The following ATM variants were observed in gnomAD, a reference collection of about 807,000 sequenced individuals.
The protein encoded by ATM is ATM serine/threonine kinase, also known as serine-protein kinase ATM.
Under a neutral mutation model 387.0 loss-of-function variants are expected in ATM, and 308 were observed. That is an observed-to-expected ratio of 0.80 (90% confidence interval 0.73 to 0.87). ATM has a LOEUF of 0.87. ATM is among the 40% of genes least tolerant of loss of function. ATM has a pLI of 0.00. For synonymous variants in ATM, 1,156 were observed against 1,187.3 expected (o/e 0.97, Z 0.54); for missense variants, 3,312 against 3,560.9 (o/e 0.93, Z 1.78).
chr11:108,226,064 A>G (rs2078722047), intron 1 of ATM: 1 of 152,222 alleles, frequency 6.6e-6, no homozygotes, highest in Non-Finnish European at 1.5e-5. Context: ...ACAGACATTC[A>G]TAGTTTAATA....
rs2135327482 is a variant in ATM, at chr11:108,251,041, T to C, written c.1576T>C (p.Leu526=). The change falls in exon 10 of 63, where the codon TTA becomes CTA. Residue 526 remains leucine, a synonymous_variant. Coordinates refer to ENST00000675843, the MANE Select transcript of ATM (RefSeq NM_000051.4). ...LVEVDREFWK[L]FTGSACRPSC... The stretch of plus-strand genomic sequence containing the variant: ...TGAGGTTGACAGAGAATTCTGGAAG[T>C]TATTTACTGGGTCAGCCTGCAGACC... 1 of 1,614,160 alleles carries C rather than the reference T, an allele frequency of 6.2e-7. No homozygotes were observed. The highest frequency in any genetic ancestry group is 1.1e-5 in the South Asian group (1 of 91,090).
chr11:108,252,529 T>C (rs905782255), intron 11 of ATM, among the ~76,000 whole-genome samples: 10 of 152,320 alleles, frequency 6.6e-5, no homozygotes, highest in Admixed American at 2.0e-4. Context: ...GACCTCCGAA[T>C]GGATCCAATT....
intron 58 of ATM, among the ~76,000 whole-genome samples, chr11:108,346,242 C>T (rs1048723538): frequency 4.6e-5 from 7 of 151,912 alleles, no homozygotes; most frequent in African/African-American, 1.7e-4. Flanking sequence ...AATAATGAAA[C>T]CTGTGATAAC....
At chr11:108,239,269 AC>A (rs2079444527) in intron 5 of ATM, among the ~76,000 whole-genome samples, 1 of 152,188 alleles carries the variant, frequency 6.6e-6, no homozygotes, top group South Asian at 2.1e-4. Flanking sequence ...CTCACCAGAA[AC>A]CCACAATGCT....
rs2136338348 is a variant in ATM at position 108,326,189 on chromosome 11, G to A, written c.6939G>A (p.Lys2313=). 6.2e-7 allele frequency: 1 copy of A among 1,614,088 alleles called. No homozygotes were observed. ...AGAGTCTTGCCCTGAGTATTCTCAA[G>A]CAAATGATCAAGAAGTTGGATGCCA... is the stretch of plus-strand genomic sequence containing the variant. ...KEQSLALSIL[K]QMIKKLDASC... is the part of the protein sequence containing the mutation. The change falls in exon 47 of 63, where the codon AAG becomes AAA. Residue 2313 remains lysine, a synonymous_variant. Transcript: ENST00000675843.
At chr11:108,255,144 A>G (rs1487491589) in intron 13 of ATM, among the ~76,000 whole-genome samples, 4 of 152,302 alleles carry the variant, frequency 2.6e-5, no homozygotes, top group South Asian at 4.1e-4. Flanking sequence ...GTGCCTTATT[A>G]CATGGTAAAT....
intron 49 of ATM, among the ~76,000 whole-genome samples, chr11:108,329,464 T>C (rs1236948988): frequency 6.6e-6 from 1 of 151,974 alleles, no homozygotes; most frequent in Non-Finnish European, 1.5e-5. Context: ...TGGAGTACAG[T>C]GGCGTGATCA....
At chr11:108,282,483 A>G (rs991122933) in intron 24 of ATM, among the ~76,000 whole-genome samples, 2 of 152,002 alleles carry the variant, frequency 1.3e-5, no homozygotes, top group African/African-American at 2.4e-5. Flanking sequence ...CTCTTAGCAT[A>G]TTTTTATATT....
rs1555127008 is a variant in ATM, at chr11:108,334,959, C to G, written c.8011-10C>G. On this transcript the variant is annotated splice_polypyrimidine_tract_variant and intron_variant, in intron 54 of 62. Coordinates refer to ENST00000675843, the MANE Select transcript of ATM (RefSeq NM_000051.4). ...TGACCTATTATCAATCATGTTTATA[C>G]TTTTATTAGGTGGACCACACAGGAG... The G allele has an allele frequency of 1.9e-6, 3 of 1,610,398 alleles. No homozygotes were observed. Among genetic ancestry groups the G allele is most frequent in the Non-Finnish European group, 2.5e-6 (3 of 1,176,764 alleles).
chr11:108,339,111 C>G (rs1334185494), intron 56 of ATM, among the ~76,000 whole-genome samples: 2 of 152,162 alleles, frequency 1.3e-5, no homozygotes, highest in African/African-American at 4.8e-5. Context: ...GAAGACAGTT[C>G]TTATTGTGTA....
intron 1 of ATM, chr11:108,226,283 G>A (rs1325634283): frequency 6.6e-6 from 1 of 152,092 alleles, no homozygotes; most frequent in Non-Finnish European, 1.5e-5. Context: ...AGCCCTTCAA[G>A]CCATACCTCC....
In ATM at chr11:108,310,420, T is replaced by C. The variant is rs1018328054; in HGVS notation, c.5918+105T>C. The C allele has an allele frequency of 2.4e-5, 25 of 1,059,886 alleles. 1 individual carries two copies. The highest frequency in any genetic ancestry group is 3.0e-4 in the Middle Eastern group (1 of 3,292). 65.7% of individuals were successfully genotyped at this position (1,059,886 alleles called of 1,614,324 possible). On this transcript the variant is annotated intron_variant, in intron 39 of 62. Transcript: ENST00000675843. ...TGCCTCCTGTTCCCCATTTAAAAGA[T>C]ATTTTAGATAGAAATTTTGTTTTAA...
intron 13 of ATM, among the ~76,000 whole-genome samples, chr11:108,255,098 G>T (rs2135381543): frequency 6.6e-6 from 1 of 152,134 alleles, no homozygotes; most frequent in Admixed American, 6.5e-5. Context: ...TCTTAAAAGG[G>T]CATACATGTT....
At position 108,293,894 on chromosome 11, in the gene ATM, A is replaced by AATAT. The variant is rs1220002313; in HGVS notation, c.4776+440_4776+443dup. Reference sequence around the variant, plus strand: ...CCCTGTCTCAAAAAAAAAAAAAAAAAATATATATATATATATATATATATA... The same window carrying AATAT: ...CCCTGTCTCAAAAAAAAAAAAAAAAAATATATATATATATATATATATATATATA... On this transcript the variant is annotated intron_variant, in intron 31 of 62. Coordinates refer to ENST00000675843, the MANE Select transcript of ATM (RefSeq NM_000051.4). Among the ~76,000 whole-genome samples, 629 of 83,618 alleles carry AATAT rather than the reference A, an allele frequency of 7.5e-3. 7 individuals carry two copies. The highest frequency in any genetic ancestry group is 0.012 in the Non-Finnish European group (502 of 42,788). The allele number at this position is 83,618 out of a possible 152,430, so 54.9% of individuals were successfully genotyped here. A position where few individuals can be genotyped will look rare whatever the true frequency, so the allele number is the denominator to read the frequency against.
chr11:108,308,284 T>C (rs1356010074), intron 38 of ATM, among the ~76,000 whole-genome samples: 1 of 152,212 alleles, frequency 6.6e-6, no homozygotes, highest in Non-Finnish European at 1.5e-5. Flanking sequence ...CAAGTGTTTT[T>C]CCAAGTTACA....
chr11:108,280,975 T>A lies in ATM; in HGVS notation c.3403-20T>A, dbSNP rs745764384. ...ACATTTACATTTTACATTACATTTT[T>A]TTTTTAATTTCTTTTTAAGTCCCAT... On this transcript the variant is annotated intron_variant, in intron 23 of 62. Transcript: ENST00000675843. The A allele has an allele frequency of 6.5e-7, 1 of 1,536,902 alleles. No individual in the cohort carries two copies.
intron 17 of ATM, 60 bp from the exon 18 acceptor site, chr11:108,268,350 A>G: frequency 6.7e-7 from 1 of 1,494,020 alleles, no homozygotes; most frequent in Non-Finnish European, 9.3e-7. Context: ...TTGAGTTAAT[A>G]TGACTATATA....
chr11:108,321,953 A>G (rs567081787), intron 45 of ATM, among the ~76,000 whole-genome samples: 2 of 152,154 alleles, frequency 1.3e-5, no homozygotes, highest in African/African-American at 4.8e-5. Flanking sequence ...TTTTCTCTTT[A>G]TAACTTTTTC....
chr11:108,298,176 G>A (rs1230695988), intron 33 of ATM, among the ~76,000 whole-genome samples: 1 of 152,126 alleles, frequency 6.6e-6, no homozygotes, highest in Non-Finnish European at 1.5e-5. Context: ...TAGTGACCAC[G>A]GGATGGAGAA....
Sources: gnomAD v4.1 joint callset for allele counts (sites outside exome capture counted in the v4.1 genomes callset) on GRCh38, gnomAD v4.1.1 for gene constraint, MANE v1.5 for transcripts, NCBI Gene and HGNC (gene_info 2026-07-23, HGNC 2026-07-21) for gene names.